The following PLEKHG7 variants were observed in gnomAD, a reference collection of about 807,000 sequenced individuals.
PLEKHG7 encodes pleckstrin homology domain-containing family G member 7.
In PLEKHG7, 77 loss-of-function variants were observed where a neutral mutation model predicts 85.2. That is an observed-to-expected ratio of 0.90 (90% confidence interval 0.75 to 1.09). The LOEUF is 1.09. Among genes scored for constraint, PLEKHG7 ranks in the 50% least tolerant of loss-of-function variants. The pLI is 0.00. For missense variants in PLEKHG7, 777 were observed against 804.3 expected, an observed-to-expected ratio of 0.97 and a Z score of 0.41; for synonymous variants, 301 against 302.4, an observed-to-expected ratio of 1.00 and a Z score of 0.05.
chr12:92,727,958 G>A (rs1565789447), intron 3 of PLEKHG7, among the ~76,000 whole-genome samples: 68 of 135,316 alleles, frequency 5.0e-4, no homozygotes, highest in African/African-American at 1.7e-3. Context: ...GTGTGTGTGT[G>A]TGTGTATATA....
In PLEKHG7 at chr12:92,740,893, A is replaced by G; in HGVS notation, c.980A>G (p.Tyr327Cys). Residue 327 changes from tyrosine to cysteine, a missense_variant, in exon 8 of 17, where the codon TAT (tyrosine) becomes TGT (cysteine). This residue lies in a region of PLEKHG7 where 520 missense variants were observed against 544.0 expected (regional missense o/e 0.96). Transcript: ENST00000344636. ...CTAAGATATCTGCAAACTCATGAAT[A>G]TCTCCTAGATGTGGATTTATGGAGA... is the stretch of plus-strand genomic sequence containing the variant. ...NTLRYLQTHE[Y>C]LLDVDLWRLF... 1 of 1,611,954 alleles carries G rather than the reference A, an allele frequency of 6.2e-7. No individual in the cohort carries two copies. Among genetic ancestry groups the G allele is most frequent in the Non-Finnish European group, 8.5e-7 (1 of 1,178,622 alleles).
At chr12:92,736,421 C>T (rs901157834) in intron 5 of PLEKHG7, 61 bp from the exon 6 acceptor site, 3 of 1,023,734 alleles carry the variant, frequency 2.9e-6, no homozygotes, top group African/African-American at 1.7e-5. Context: ...CCAAGGCTAC[C>T]GAAGTCATGT....
intron 3 of PLEKHG7, among the ~76,000 whole-genome samples, chr12:92,710,040 C>T (rs1032814058): frequency 1.3e-5 from 2 of 152,122 alleles, no homozygotes; most frequent in African/African-American, 4.8e-5. Flanking sequence ...TGGCAGTGTT[C>T]CTCCCTCTGG....
intron 9 of PLEKHG7, among the ~76,000 whole-genome samples, chr12:92,742,372 A>G (rs1253748800): frequency 6.6e-6 from 1 of 152,206 alleles, no homozygotes; most frequent in South Asian, 2.1e-4. Flanking sequence ...AAAAGGAGTA[A>G]CATAAATATA....
In PLEKHG7 at chr12:92,707,099, C is replaced by A. The variant is rs1192065707; in HGVS notation, c.468C>A (p.His156Gln). Residue 156 changes from histidine (H) to glutamine (Q), a missense_variant, in exon 2 of 17, where the codon CAC becomes CAA. Physicochemically the swap from His to Gln is conservative, Grantham distance 24. Coordinates refer to ENST00000344636, the MANE Select transcript of PLEKHG7 (RefSeq NM_001377329.1). ...HQASLRQQEG[H>Q]FLPSPTLRHP... is the part of the protein sequence containing the mutation. ...CCTCTCTTCGGCAGCAAGAAGGCCA[C>A]TTCCTGCCCAGCCCCACCCTACGAC... The A allele has an allele frequency of 1.2e-6, 2 of 1,614,108 alleles. No homozygotes were observed. Among genetic ancestry groups the A allele is most frequent in the Admixed American group, 1.7e-5 (1 of 60,018 alleles).
intron 3 of PLEKHG7, chr12:92,721,558 A>C (rs1459886715): frequency 3.2e-5 from 9 of 279,152 alleles, no homozygotes; most frequent in South Asian, 1.7e-4. Flanking sequence ...GGGTTTCTAC[A>C]TGGTGGGTGG....
chr12:92,707,529 C>A, intron 2 of PLEKHG7, 121 bp from the exon 3 acceptor site: 1 of 1,492,152 alleles, frequency 6.7e-7, no homozygotes, highest in African/African-American at 1.4e-5. Flanking sequence ...TCCAATCCCA[C>A]CAAAATGTAA....
chr12:92,743,221 T>G (rs1000478431), intron 9 of PLEKHG7, among the ~76,000 whole-genome samples: 1 of 152,136 alleles, frequency 6.6e-6, no homozygotes, highest in Non-Finnish European at 1.5e-5. Context: ...TTGGAGACCA[T>G]GGCAAAGCAC....
At chr12:92,720,031 C>T (rs1268506946) in intron 3 of PLEKHG7, among the ~76,000 whole-genome samples, 2 of 152,198 alleles carry the variant, frequency 1.3e-5, no homozygotes, top group Non-Finnish European at 2.9e-5. Context: ...AAGTTGGGTG[C>T]CCTTGCCACT....
At chr12:92,769,341 A>T (rs1005758222) in intron 16 of PLEKHG7, among the ~76,000 whole-genome samples, 24 of 152,178 alleles carry the variant, frequency 1.6e-4, no homozygotes, top group African/African-American at 5.8e-4. Context: ...TCACGCTTGC[A>T]GAGTTCTCCT....
Position 92,761,628 on chromosome 12 carries a change from A to G in PLEKHG7, c.1637-124A>G, listed in dbSNP as rs1260545138. On this transcript the variant is annotated intron_variant, in intron 13 of 16. Transcript: ENST00000344636. ...AAGAAAAAGAAAGAAAGAAAGAAGA[A>G]AGAAAGAAAGAAAGAAAGAAAGAAA... The G allele has an allele frequency of 1.1e-4, 11 of 104,720 alleles. No individual in the cohort carries two copies. The African/African-American group carries it at 2.6e-3, about 24-fold the overall frequency. 6.5% of individuals were successfully genotyped at this position (104,720 alleles called of 1,614,324 possible). A position where few individuals can be genotyped will look rare whatever the true frequency, so the allele number is the denominator to read the frequency against.
chr12:92,706,732 T>C lies in PLEKHG7; in HGVS notation c.101T>C (p.Leu34Pro). The change falls in exon 2 of 17, where the codon CTC (leucine) becomes CCC (proline). Residue 34 changes from leucine (L) to proline (P), a missense_variant. Coordinates refer to ENST00000344636, the MANE Select transcript of PLEKHG7 (RefSeq NM_001377329.1). ...LRSLPKNQGS[L>P]LQFDRQAPGR... ...AGCCTGCCAAAGAACCAGGGGAGTC[T>C]CCTCCAGTTTGACCGGCAAGCCCCA... 6.2e-7 allele frequency: 1 copy of C among 1,614,070 alleles called. No individual in the cohort carries two copies. The highest frequency in any genetic ancestry group is 1.3e-5 in the African/African-American group (1 of 75,014).
At chr12:92,712,097 C>G (rs1473822609) in intron 3 of PLEKHG7, among the ~76,000 whole-genome samples, 1 of 152,194 alleles carries the variant, frequency 6.6e-6, no homozygotes, top group Non-Finnish European at 1.5e-5. Context: ...AAATTTATGT[C>G]CCATCCTCTG....
intron 12 of PLEKHG7, 41 bp downstream of exon 12, chr12:92,755,981 G>C: frequency 7.3e-7 from 1 of 1,368,516 alleles, no homozygotes; most frequent in Non-Finnish European, 1.0e-6. Context: ...TCCATTTCTG[G>C]AATTTGGGCA....
At chr12:92,760,390 T>A (rs1235769814) in intron 13 of PLEKHG7, among the ~76,000 whole-genome samples, 1 of 152,180 alleles carries the variant, frequency 6.6e-6, no homozygotes, top group Non-Finnish European at 1.5e-5. Context: ...TTCTCCCCTA[T>A]GCAAATATAG....
chr12:92,714,380 T>C (rs1474338471), intron 3 of PLEKHG7, among the ~76,000 whole-genome samples: 1 of 152,184 alleles, frequency 6.6e-6, no homozygotes, highest in Non-Finnish European at 1.5e-5. Context: ...TTCATCAGCG[T>C]CCTCCCGGGC....
intron 10 of PLEKHG7, chr12:92,749,647 T>TGA (rs1432877611): frequency 2.6e-5 from 4 of 152,208 alleles, no homozygotes; most frequent in Admixed American, 2.6e-4. Flanking sequence ...TGCCATGGAC[T>TGA]GAGTGTTTGA....
In PLEKHG7 at chr12:92,766,613, C is replaced by T. The variant is rs138229864; in HGVS notation, c.1871-2370C>T. On this transcript the variant is annotated intron_variant, in intron 15 of 16. Transcript: ENST00000344636. Reference sequence around the variant, plus strand: ...ATCCCAGTACTTTGGTAGGCTGAGGCGGGCAAATCACTTGAGGTCAGGAGT... The same window carrying T: ...ATCCCAGTACTTTGGTAGGCTGAGGTGGGCAAATCACTTGAGGTCAGGAGT... 7.9e-3 allele frequency among the ~76,000 whole-genome samples: 1,200 copies of T among 151,938 alleles called. 23 individuals are homozygous for T. Among genetic ancestry groups the T allele is most frequent in the African/African-American group, 0.026 (1,092 of 41,412 alleles).
chr12:92,748,688 G>A (rs949384245), intron 10 of PLEKHG7, among the ~76,000 whole-genome samples: 10 of 152,130 alleles, frequency 6.6e-5, no homozygotes, highest in Admixed American at 6.5e-4. Context: ...CATTTGCAAG[G>A]CCACATAGCC....
Sources: allele counts gnomAD v4.1 joint callset (sites outside exome capture counted in the v4.1 genomes callset), GRCh38; gene constraint gnomAD v4.1.1; regional missense constraint gnomAD v4.1.1; transcripts MANE v1.5; gene names NCBI Gene and HGNC (gene_info 2026-07-23, HGNC 2026-07-21).